MERTK: variants seen among roughly 807,000 people sequenced by gnomAD.
MERTK encodes the protein tyrosine-protein kinase Mer.
A neutral mutation model predicts 99.3 loss-of-function variants in MERTK; 69 were observed. The observed-to-expected ratio is 0.70, with a 90% CI of 0.57 to 0.85. MERTK has a LOEUF of 0.85. MERTK is among the 40% of genes least tolerant of loss of function. The pLI is 0.00. For synonymous variants in MERTK, 426 were observed against 467.6 expected (o/e 0.91, Z 1.15); for missense variants, 1,125 against 1,249.4 (o/e 0.90, Z 1.50).
chr2:111,939,191 C>T (rs1399144734), intron 2 of MERTK, among the ~76,000 whole-genome samples: 3 of 152,100 alleles, frequency 2.0e-5, no homozygotes, highest in African/African-American at 7.2e-5. Context: ...TGCGACTCTG[C>T]GGGGTCCTAA....
At chr2:111,947,119 A>G (rs1684973307) in intron 3 of MERTK, among the ~76,000 whole-genome samples, 1 of 152,084 alleles carries the variant, frequency 6.6e-6, no homozygotes, top group African/African-American at 2.4e-5. Flanking sequence ...CTAAAAATAC[A>G]AAAATTAGCC....
intron 3 of MERTK, 103 bp from the exon 4 acceptor site, chr2:111,947,291 A>AAAT: frequency 8.9e-7 from 1 of 1,118,312 alleles, no homozygotes; most frequent in Non-Finnish European, 1.3e-6. Context: ...CCCCACAAAA[A>AAAT]AAGAAATCTA....
intron 7 of MERTK, among the ~76,000 whole-genome samples, chr2:111,977,437 C>T (rs1676275424): frequency 6.6e-6 from 1 of 152,122 alleles, no homozygotes; most frequent in South Asian, 2.1e-4. Context: ...TGTGATCATC[C>T]TAACTTTGTT....
At chr2:112,017,261 G>T (rs1226519703) in intron 15 of MERTK, among the ~76,000 whole-genome samples, 1 of 151,920 alleles carries the variant, frequency 6.6e-6, no homozygotes, top group African/African-American at 2.4e-5. Context: ...TAGACACAGA[G>T]CACCAATTGA....
chr2:112,015,562 A>G (rs1454316599), intron 15 of MERTK, among the ~76,000 whole-genome samples: 1 of 152,040 alleles, frequency 6.6e-6, no homozygotes, highest in East Asian at 1.9e-4. Context: ...AGAGTTCTTT[A>G]TATGTTCTAA....
At position 111,945,022 on chromosome 2, in the gene MERTK, A is replaced by G. The variant is rs1284302800; in HGVS notation, c.545A>G (p.Glu182Gly). The change falls in exon 3 of 19, where the codon GAA (glutamate) becomes GGA (glycine). Residue 182 changes from glutamate (E) to glycine (G), a missense_variant. By Grantham distance (98) the Glu-to-Gly change is moderately conservative. Transcript: ENST00000295408. ...ATCTGTAAGATGAAAATAAACAATG[A>G]AGAGATCGTGTCTGATCCCATCTAC... is the stretch of plus-strand genomic sequence containing the variant. Reference protein sequence around the residue: ...SYICKMKINNEEIVSDPIYIE... With the variant: ...SYICKMKINNGEIVSDPIYIE... 1 of 1,613,772 alleles carries G rather than the reference A, an allele frequency of 6.2e-7. No individual in the cohort carries two copies. The highest frequency in any genetic ancestry group is 1.7e-5 in the Admixed American group (1 of 60,028).
chr2:111,999,281 C>A (rs1676819602), intron 10 of MERTK, among the ~76,000 whole-genome samples: 1 of 152,078 alleles, frequency 6.6e-6, no homozygotes, highest in Non-Finnish European at 1.5e-5. Context: ...TTAAAATAGA[C>A]TTCATTTTTT....
intron 4 of MERTK, among the ~76,000 whole-genome samples, chr2:111,964,854 A>G (rs1294990861): frequency 6.6e-6 from 1 of 152,200 alleles, no homozygotes. Context: ...AGGCAGCAGG[A>G]TCAGGTGAGC....
intron 1 of MERTK, among the ~76,000 whole-genome samples, chr2:111,910,610 G>GTGTGTGTGTATATATATATATA (rs370882764): frequency 7.0e-6 from 1 of 143,588 alleles, no homozygotes; most frequent in African/African-American, 2.6e-5. Flanking sequence ...GTGTGTGTGT[G>GTGTGTGTGTATATATATATATA]TATATATATA....
In MERTK at chr2:112,027,243, C is replaced by CAT. The variant is rs561644294; in HGVS notation, c.2487-1097_2487-1096dup. Among the ~76,000 whole-genome samples, 676 of 148,890 alleles carry CAT rather than the reference C, an allele frequency of 4.5e-3. 10 individuals are homozygous for CAT. The highest frequency in any genetic ancestry group is 0.015 in the African/African-American group (596 of 40,418). ...CAGGCCAGGCATATTAATTGGCATGCATATATATATATGCCATATATGTGT... is the reference window on the plus strand; with the variant it reads ...CAGGCCAGGCATATTAATTGGCATGCATATATATATATATGCCATATATGTGT... On this transcript the variant is annotated intron_variant, in intron 18 of 18. Coordinates refer to ENST00000295408, the MANE Select transcript of MERTK (RefSeq NM_006343.3).
intron 1 of MERTK, among the ~76,000 whole-genome samples, chr2:111,904,266 TC>T (rs1395236761): frequency 6.6e-6 from 1 of 152,242 alleles, no homozygotes; most frequent in East Asian, 1.9e-4. Flanking sequence ...CAGTTCCTGT[TC>T]AACTTTTCCC....
At chr2:112,026,165 C>A (rs937869717) in intron 18 of MERTK, 1 of 154,270 alleles carries the variant, frequency 6.5e-6, no homozygotes, top group Admixed American at 6.5e-5. Context: ...TGTTCTACTA[C>A]GATGAAATTG....
intron 1 of MERTK, among the ~76,000 whole-genome samples, chr2:111,909,339 C>T (rs151274523): frequency 1.1e-4 from 17 of 152,258 alleles, no homozygotes; most frequent in Admixed American, 3.3e-4. Flanking sequence ...AGAAGTTTTG[C>T]CCAGGCCTTT....
At chr2:111,920,729 C>T (rs1445525629) in intron 1 of MERTK, among the ~76,000 whole-genome samples, 1 of 152,136 alleles carries the variant, frequency 6.6e-6, no homozygotes, top group Admixed American at 6.5e-5. Flanking sequence ...TCTCAGCTCA[C>T]TGCAACTTCT....
chr2:111,912,240 C>G (rs1684264216), intron 1 of MERTK, among the ~76,000 whole-genome samples: 1 of 151,992 alleles, frequency 6.6e-6, no homozygotes, highest in African/African-American at 2.4e-5. Context: ...AATTCCTGAC[C>G]TCATGATTTG....
intron 2 of MERTK, among the ~76,000 whole-genome samples, chr2:111,936,855 A>G (rs1484583431): frequency 1.3e-5 from 2 of 152,132 alleles, no homozygotes; most frequent in Non-Finnish European, 2.9e-5. Flanking sequence ...AATTTGGGAT[A>G]TATATTATAA....
chr2:111,998,546 T>C (rs1321612396), intron 10 of MERTK, among the ~76,000 whole-genome samples: 1 of 152,174 alleles, frequency 6.6e-6, no homozygotes, highest in African/African-American at 2.4e-5. Context: ...AAATGGCAAC[T>C]GTAATACATT....
chr2:112,002,941 C>T (rs1676899489), intron 11 of MERTK, 151 bp from the exon 12 acceptor site: 1 of 511,020 alleles, frequency 2.0e-6, no homozygotes, highest in African/African-American at 2.0e-5. Context: ...CCATTGCACT[C>T]CAGCCTGGGC....
chr2:111,921,352 T>G lies in MERTK; in HGVS notation c.62-7768T>G, dbSNP rs180872310. ...CGGTCTTTACTAAAAATACAAAAAT[T>G]AGCTGGGCATGGTGGTACCTGCCTG... On this transcript the variant is annotated intron_variant, in intron 1 of 18. Transcript: ENST00000295408. Among the ~76,000 whole-genome samples the G allele has an allele frequency of 9.5e-4, 144 of 152,014 alleles. 1 individual carries two copies. The highest frequency in any genetic ancestry group is 3.2e-3 in the African/African-American group (131 of 41,476).
Sources: gnomAD v4.1 joint callset for allele counts (sites outside exome capture counted in the v4.1 genomes callset) on GRCh38, gnomAD v4.1.1 for gene constraint, MANE v1.5 for transcripts, NCBI Gene and HGNC (gene_info 2026-07-23, HGNC 2026-07-21) for gene names.